The following FRAS1 variants were observed in gnomAD, a reference collection of about 807,000 sequenced individuals.
FRAS1 encodes the protein extracellular matrix organizing protein FRAS1.
Under a neutral mutation model 435.2 loss-of-function variants are expected in FRAS1, and 290 were observed. The observed-to-expected ratio is 0.67, with a 90% confidence interval of 0.61 to 0.73. FRAS1 has a LOEUF of 0.73. Ranked by LOEUF, FRAS1 falls within the 30% of genes least tolerant of loss-of-function variation. The probability of loss-of-function intolerance (pLI) is 0.00; values close to 1 mark genes in which losing one functional copy is unlikely to be tolerated. For missense variants in FRAS1, 4,860 were observed against 5,001.5 expected, an observed-to-expected ratio of 0.97 and a Z score of 0.85; for synonymous variants, 1,800 against 1,851.0, an observed-to-expected ratio of 0.97 and a Z score of 0.71.
Position 78,473,563 on chromosome 4 carries a change from A to T in FRAS1, c.7648A>T (p.Ile2550Phe), listed in dbSNP as rs1308805692. The T allele has an allele frequency of 6.2e-7, 1 of 1,610,506 alleles. No homozygotes were observed. Among genetic ancestry groups the T allele is most frequent in the East Asian group, 2.2e-5 (1 of 44,766 alleles). Residue 2550 changes from isoleucine (I) to phenylalanine (F), a missense_variant, in exon 53 of 74, where the codon ATC becomes TTC. Coordinates refer to ENST00000512123, the MANE Select transcript of FRAS1 (RefSeq NM_025074.7). ...PNVVSDNVFH[I>F]QWSLISFKYT... ...TGTGGTCAGCGACAATGTCTTCCAT[A>T]TCCAGTGGTCACTCATCAGCTTTAA...
At chr4:78,387,308 G>A (rs1276797519) in intron 28 of FRAS1, 67 bp from the exon 29 acceptor site, 1 of 1,134,116 alleles carries the variant, frequency 8.8e-7, no homozygotes, top group African/African-American at 1.6e-5. Context: ...TAACAATCAG[G>A]TATCTAGTCC....
At chr4:78,185,727 G>C (rs1722241519) in intron 2 of FRAS1, among the ~76,000 whole-genome samples, 1 of 152,154 alleles carries the variant, frequency 6.6e-6, no homozygotes, top group Admixed American at 6.5e-5. Context: ...CAAAATCTTT[G>C]AACTGTAGAC....
chr4:78,405,750 T>C (rs1733073905), intron 30 of FRAS1, among the ~76,000 whole-genome samples: 1 of 152,246 alleles, frequency 6.6e-6, no homozygotes, highest in Non-Finnish European at 1.5e-5. Flanking sequence ...TCTCTCTCCC[T>C]CTTCCTCACC....
At position 78,501,376 on chromosome 4, in the gene FRAS1, T is replaced by C. The variant is rs151298059; in HGVS notation, c.9316+1455T>C. On this transcript the variant is annotated intron_variant, in intron 61 of 73. Coordinates refer to ENST00000512123, the MANE Select transcript of FRAS1 (RefSeq NM_025074.7). Reference sequence around the variant, plus strand: ...TAATCCAGTCTATTATTGACGGCCATTTGGGTTGGTTCCAAGTCTTTGCTA... The same window carrying C: ...TAATCCAGTCTATTATTGACGGCCACTTGGGTTGGTTCCAAGTCTTTGCTA... Among the ~76,000 whole-genome samples the C allele has an allele frequency of 5.4e-4, 82 of 152,326 alleles. 3 individuals carry two copies. The East Asian group carries it at 0.014, about 26-fold the overall frequency.
At chr4:78,481,092 C>G (rs1027429511) in intron 56 of FRAS1, among the ~76,000 whole-genome samples, 1 of 152,196 alleles carries the variant, frequency 6.6e-6, no homozygotes, top group Non-Finnish European at 1.5e-5. Context: ...CCAGCCATAA[C>G]TACATTGCAT....
At chr4:78,257,552 T>G (rs1056994844) in intron 6 of FRAS1, among the ~76,000 whole-genome samples, 1 of 152,222 alleles carries the variant, frequency 6.6e-6, no homozygotes, top group Admixed American at 6.5e-5. Flanking sequence ...GTTTTTATTT[T>G]TATTTTTTAA....
chr4:78,506,701 A>T (rs1720856268), intron 61 of FRAS1, among the ~76,000 whole-genome samples: 1 of 151,620 alleles, frequency 6.6e-6, no homozygotes, highest in African/African-American at 2.4e-5. Flanking sequence ...GACCCCTTGC[A>T]CTTCTCGGGT....
At chr4:78,426,242 A>G (rs1178474885) in intron 35 of FRAS1, among the ~76,000 whole-genome samples, 1 of 152,202 alleles carries the variant, frequency 6.6e-6, no homozygotes, top group Non-Finnish European at 1.5e-5. Context: ...GTGTCATGGT[A>G]GTATGCCATT....
Position 78,266,820 on chromosome 4 carries a change from C to G in FRAS1, c.688-14C>G. The G allele has an allele frequency of 1.3e-6, 2 of 1,577,946 alleles. No individual in the cohort carries two copies. The highest frequency in any genetic ancestry group is 1.7e-6 in the Non-Finnish European group (2 of 1,158,020). On this transcript the variant is annotated splice_polypyrimidine_tract_variant and intron_variant, in intron 7 of 73. Transcript: ENST00000512123. ...ATTTGATTTTCCATGTTCTTCTTTC[C>G]TGTCTTCATGCAGCATGGTGAGCAG...
At chr4:78,530,763 C>CAGGT (rs1485135841) in intron 70 of FRAS1, among the ~76,000 whole-genome samples, 3 of 152,280 alleles carry the variant, frequency 2.0e-5, no homozygotes, top group East Asian at 3.9e-4. Context: ...AGTTTGAAGT[C>CAGGT]AGGTAGCATG....
At chr4:78,086,434 A>G (rs1158523982) in intron 2 of FRAS1, among the ~76,000 whole-genome samples, 1 of 152,098 alleles carries the variant, frequency 6.6e-6, no homozygotes, top group East Asian at 1.9e-4. Flanking sequence ...TCAGAGCAGA[A>G]CTGAAGGAGA....
intron 2 of FRAS1, among the ~76,000 whole-genome samples, chr4:78,164,902 A>G (rs1221480210): frequency 6.6e-6 from 1 of 152,188 alleles, no homozygotes; most frequent in Non-Finnish European, 1.5e-5. Context: ...TCTGTTTAGC[A>G]TCCATACTGT....
chr4:78,097,644 A>G (rs1270294661), intron 2 of FRAS1, among the ~76,000 whole-genome samples: 1 of 148,126 alleles, frequency 6.8e-6, no homozygotes, highest in Non-Finnish European at 1.5e-5. Context: ...ATCAGATCAT[A>G]TGAGACTTAT....
chr4:78,086,975 A>G (rs1294648069), intron 2 of FRAS1, among the ~76,000 whole-genome samples: 1 of 152,148 alleles, frequency 6.6e-6, no homozygotes, highest in East Asian at 1.9e-4. Context: ...AACCAAAAAA[A>G]GAGAATTTTA....
intron 6 of FRAS1, among the ~76,000 whole-genome samples, chr4:78,259,649 T>C (rs1446152183): frequency 1.3e-5 from 2 of 148,644 alleles, no homozygotes; most frequent in Non-Finnish European, 3.0e-5. Flanking sequence ...TTCTCCCATT[T>C]TGTAGGTTGC....
chr4:78,516,622 G>A (rs917657378), intron 66 of FRAS1, among the ~76,000 whole-genome samples: 1 of 152,202 alleles, frequency 6.6e-6, no homozygotes, highest in African/African-American at 2.4e-5. Context: ...AAGAAAAGAG[G>A]TTTAATTGAC....
At chr4:78,372,584 A>C in intron 23 of FRAS1, 134 bp from the exon 24 acceptor site, 1 of 1,041,822 alleles carries the variant, frequency 9.6e-7, no homozygotes, top group Non-Finnish European at 1.4e-6. Context: ...ACCTCATTTG[A>C]GCCTACTTAT....
intron 29 of FRAS1, among the ~76,000 whole-genome samples, chr4:78,399,200 T>C (rs1732789386): frequency 6.6e-6 from 1 of 152,246 alleles, no homozygotes; most frequent in African/African-American, 2.4e-5. Flanking sequence ...GCTGCTGTTC[T>C]CATGGGCACT....
intron 2 of FRAS1, among the ~76,000 whole-genome samples, chr4:78,125,658 T>A (rs1719303789): frequency 6.6e-6 from 1 of 152,172 alleles, no homozygotes; most frequent in Non-Finnish European, 1.5e-5. Context: ...CTGTTGGAGT[T>A]TGCTGGAGGT....
Sources: gnomAD v4.1 joint callset for allele counts (sites outside exome capture counted in the v4.1 genomes callset) on GRCh38, gnomAD v4.1.1 for gene constraint, MANE v1.5 for transcripts, NCBI Gene and HGNC (gene_info 2026-07-23, HGNC 2026-07-21) for gene names.